DMD: variants seen among roughly 807,000 people sequenced by gnomAD.
DMD encodes the protein dystrophin.
DMD carries 63 observed loss-of-function variants against 330.1 expected under a neutral mutation model. The ratio of observed to expected loss-of-function variants is 0.19; its 90% CI spans 0.16 to 0.24. The LOEUF (loss-of-function observed/expected upper bound fraction) is 0.24. Ranked by LOEUF, DMD falls within the 10% of genes least tolerant of loss-of-function variation. The pLI is 1.00. For missense variants in DMD, 3,344 were observed against 2,684.1 expected, an observed-to-expected ratio of 1.25 and a Z score of -5.43; for synonymous variants, 1,223 against 959.8, an observed-to-expected ratio of 1.27 and a Z score of -5.07.
chrX:33,096,456 G>C (rs1355976992), intron 1 of DMD, among the ~76,000 whole-genome samples: 3 of 110,486 alleles, frequency 2.7e-5, no homozygotes, highest in African/African-American at 6.6e-5. Context: ...ATGTTTCAGA[G>C]AGATAATGCG....
intron 34 of DMD, among the ~76,000 whole-genome samples, chrX:32,365,844 T>C (rs913978581): frequency 7.1e-5 from 8 of 111,927 alleles, no homozygotes; most frequent in Non-Finnish European, 1.5e-4. Flanking sequence ...ATGACGAGCA[T>C]AACTGGTATT....
intron 41 of DMD, among the ~76,000 whole-genome samples, chrX:32,323,973 G>A (rs1349994655): frequency 9.0e-6 from 1 of 110,781 alleles, no homozygotes; most frequent in African/African-American, 3.3e-5. Flanking sequence ...TTTTTTTATA[G>A]ATACCAGAGG....
At chrX:31,384,256 C>T (rs374517663) in intron 60 of DMD, among the ~76,000 whole-genome samples, 2 of 111,082 alleles carry the variant, frequency 1.8e-5, no homozygotes, top group African/African-American at 6.6e-5. Context: ...AGCACCGAAG[C>T]GGCTATGCAG....
rs188814231 is a variant in DMD, at chrX:31,882,968, A to G, written c.6913-7595T>C. 2.7e-3 allele frequency among the ~76,000 whole-genome samples: 303 copies of G among 111,584 alleles called. 1 individual carries two copies. The highest frequency in any genetic ancestry group is 4.6e-3 in the Middle Eastern group (1 of 219). ...ACACATCTTATGACCTAGCCATTGTACTTCCACGTATATTAAAAATAAATA... is the reference window on the plus strand; with the variant it reads ...ACACATCTTATGACCTAGCCATTGTGCTTCCACGTATATTAAAAATAAATA... On this transcript the variant is annotated intron_variant, in intron 47 of 78. Coordinates refer to ENST00000357033, the MANE Select transcript of DMD (RefSeq NM_004006.3).
At chrX:32,667,767 GT>G (rs201162726) in intron 9 of DMD, among the ~76,000 whole-genome samples, 35,234 of 81,399 alleles carry the variant, frequency 0.43, 6,675 homozygotes, top group Non-Finnish European at 0.55. Flanking sequence ...CTGCTTTTGT[GT>G]TTTTTTTTTT....
At chrX:32,121,567 T>A (rs373347630) in intron 44 of DMD, among the ~76,000 whole-genome samples, 1 of 98,051 alleles carries the variant, frequency 1.0e-5, no homozygotes, top group Admixed American at 1.2e-4. Context: ...AGTGGCTAAA[T>A]AACGTTTCCT....
chrX:32,805,579 C>T (rs2076892450), intron 7 of DMD, among the ~76,000 whole-genome samples: 1 of 111,419 alleles, frequency 9.0e-6, no homozygotes, highest in Admixed American at 9.5e-5. Context: ...TTAGGAAATA[C>T]AGAGAACATC....
intron 1 of DMD, among the ~76,000 whole-genome samples, chrX:33,304,135 TTCTC>T (rs749561322): frequency 1.8e-5 from 2 of 111,344 alleles, no homozygotes; most frequent in Non-Finnish European, 3.8e-5. Context: ...TGTAAACAGA[TTCTC>T]TCTCCAACAA....
At chrX:32,556,404 G>A (rs192061110) in intron 16 of DMD, among the ~76,000 whole-genome samples, 13 of 111,294 alleles carry the variant, frequency 1.2e-4, no homozygotes, top group Admixed American at 1.9e-4. Context: ...AAGACAATGC[G>A]GAGATTTCTC....
At chrX:32,936,269 G>A (rs1003510318) in intron 2 of DMD, among the ~76,000 whole-genome samples, 5 of 109,982 alleles carry the variant, frequency 4.5e-5, no homozygotes, top group Non-Finnish European at 3.8e-5. Flanking sequence ...GCACCACCAC[G>A]CCTGGCTAAT....
intron 4 of DMD, among the ~76,000 whole-genome samples, chrX:32,833,588 A>C (rs2079336534): frequency 9.2e-6 from 1 of 108,271 alleles, no homozygotes. Flanking sequence ...AATTTTTGTA[A>C]TTACGTATCT....
intron 55 of DMD, among the ~76,000 whole-genome samples, chrX:31,577,277 T>C (rs887227583): frequency 1.8e-5 from 2 of 112,855 alleles, no homozygotes; most frequent in African/African-American, 6.4e-5. Flanking sequence ...TAATACTTGT[T>C]TTTTGTAAAG....
chrX:32,782,662 C>T (rs771376446), intron 7 of DMD, among the ~76,000 whole-genome samples: 22 of 110,571 alleles, frequency 2.0e-4, no homozygotes, highest in Non-Finnish European at 3.4e-4. Flanking sequence ...TCCGTATCTG[C>T]GGGTTCTGTA....
chrX:32,387,022 T>A (rs1210305218), intron 32 of DMD, among the ~76,000 whole-genome samples: 3 of 110,689 alleles, frequency 2.7e-5, no homozygotes, highest in Non-Finnish European at 5.7e-5. Context: ...ATATATTGTA[T>A]CATATATAAG....
At chrX:32,993,939 CTA>C (rs2093046804) in intron 2 of DMD, among the ~76,000 whole-genome samples, 2 of 110,424 alleles carry the variant, frequency 1.8e-5, no homozygotes, top group Admixed American at 1.9e-4. Flanking sequence ...AAATGAATAC[CTA>C]AAGAAAAAGG....
intron 44 of DMD, among the ~76,000 whole-genome samples, chrX:32,164,845 G>A (rs1282912239): frequency 3.6e-5 from 4 of 111,055 alleles, no homozygotes; most frequent in Non-Finnish European, 7.6e-5. Flanking sequence ...GGTGCCTTGT[G>A]TCCCAGCCAC....
intron 1 of DMD, among the ~76,000 whole-genome samples, chrX:33,119,251 T>C (rs1409586891): frequency 2.7e-5 from 3 of 111,908 alleles, no homozygotes; most frequent in African/African-American, 6.5e-5. Context: ...TATATATATA[T>C]ACACACACAC....
At chrX:31,630,548 A>G (rs1045808068) in intron 54 of DMD, among the ~76,000 whole-genome samples, 1 of 111,417 alleles carries the variant, frequency 9.0e-6, no homozygotes, top group African/African-American at 3.3e-5. Flanking sequence ...CTAGTCTAGA[A>G]TGAGTCAAGA....
At chrX:31,405,126 G>A (rs2061353552) in intron 60 of DMD, among the ~76,000 whole-genome samples, 1 of 111,742 alleles carries the variant, frequency 8.9e-6, no homozygotes, top group African/African-American at 3.2e-5. Context: ...AAGACTTATT[G>A]ATTTAAATTA....
Sources: allele counts gnomAD v4.1 joint callset (sites outside exome capture counted in the v4.1 genomes callset), GRCh38; gene constraint gnomAD v4.1.1; transcripts MANE v1.5; gene names NCBI Gene and HGNC (gene_info 2026-07-23, HGNC 2026-07-21).